MDN1: variants seen among roughly 807,000 people sequenced by gnomAD.
MDN1 encodes the protein midasin.
A neutral mutation model predicts 669.2 loss-of-function variants in MDN1; 266 were observed. The observed-to-expected ratio is 0.40, with a 90% CI of 0.36 to 0.44. MDN1 has a LOEUF of 0.44. Among genes scored for constraint, MDN1 ranks in the 20% least tolerant of loss-of-function variants. The probability of loss-of-function intolerance (pLI) is 1.00; values close to 1 mark genes in which losing one functional copy is unlikely to be tolerated. For missense variants in MDN1, 5,940 were observed against 6,754.0 expected (o/e 0.88, Z 4.22); for synonymous variants, 2,385 against 2,457.1 (o/e 0.97, Z 0.87).
At chr6:89,725,766 A>G (rs1450651969) in intron 37 of MDN1, among the ~76,000 whole-genome samples, 3 of 142,510 alleles carry the variant, frequency 2.1e-5, no homozygotes, top group Non-Finnish European at 4.5e-5. Context: ...TGGTAGAGCC[A>G]AGGTCTTGTT....
In MDN1 at chr6:89,661,450, G is replaced by A. The variant is rs572119471; in HGVS notation, c.14694C>T (p.Thr4898=). 3.3e-5 allele frequency: 53 copies of A among 1,613,000 alleles called. No individual in the cohort carries two copies. In the South Asian group the frequency reaches 5.4e-4, roughly 16 times the overall value. Residue 4898 remains threonine (T), a synonymous_variant, in exon 88 of 102, where the codon ACC becomes ACT. Transcript: ENST00000369393. ...DSEDKNGGED[T]DNEEGEEENP... ...ACGCACCTTCTCCTTCTTCATTGTC[G>A]GTGTCCTCACCACCATTCTTGTCTT... is the stretch of plus-strand genomic sequence containing the variant.
At chr6:89,774,245 CATGTA>C (rs1818245043) in intron 13 of MDN1, among the ~76,000 whole-genome samples, 1 of 152,144 alleles carries the variant, frequency 6.6e-6, no homozygotes, top group Non-Finnish European at 1.5e-5. Flanking sequence ...CAAAGTCAGA[CATGTA>C]ATAAGTATTT....
rs1277925571 is a variant in MDN1, at chr6:89,716,769, C to T, written c.6624G>A (p.Val2208=). The change falls in exon 44 of 102, where the codon GTG becomes GTA. Residue 2208 remains valine (V), a synonymous_variant. Transcript: ENST00000369393. ...GGCCACTGGCCAACTGCGTAAGCTTCACACCAAAGCTTCGGAACTCTTCAA... is the reference window on the plus strand; with the variant it reads ...GGCCACTGGCCAACTGCGTAAGCTTTACACCAAAGCTTCGGAACTCTTCAA... ...KLVEEFRSFG[V]KLTQLASGHS... 2 of 1,612,820 alleles carry T rather than the reference C, an allele frequency of 1.2e-6. No homozygotes were observed. Among genetic ancestry groups the T allele is most frequent in the South Asian group, 2.2e-5 (2 of 90,762 alleles).
rs1408242774 is a variant in MDN1 at position 89,656,953 on chromosome 6, G to GT, written c.15184-153dup. 6.3e-6 allele frequency: 4 copies of GT among 639,240 alleles called. No homozygotes were observed. In the African/African-American group the frequency reaches 7.4e-5, roughly 12 times the overall value. The allele number at this position is 639,240 out of a possible 1,614,324, so 39.6% of individuals were successfully genotyped here. A position where few individuals can be genotyped will look rare whatever the true frequency, so the allele number is the denominator to read the frequency against. ...CTACCTGCCTGCCCTGGAACTCACC[G>GT]TAACTAAGGCCTGGCCTACAGGCAG... On this transcript the variant is annotated intron_variant, in intron 90 of 101. Coordinates refer to ENST00000369393, the MANE Select transcript of MDN1 (RefSeq NM_014611.3).
intron 1 of MDN1, among the ~76,000 whole-genome samples, chr6:89,817,944 C>A (rs1768952954): frequency 6.6e-6 from 1 of 152,118 alleles, no homozygotes; most frequent in Non-Finnish European, 1.5e-5. Flanking sequence ...GTTGTGATAA[C>A]CATAAAGGTC....
chr6:89,697,295 G>T (rs1467389787), intron 59 of MDN1, among the ~76,000 whole-genome samples: 1 of 152,096 alleles, frequency 6.6e-6, no homozygotes, highest in Non-Finnish European at 1.5e-5. Context: ...ATATACTGAT[G>T]AAATAGATTT....
chr6:89,683,734 A>AATAT, intron 72 of MDN1, 97 bp downstream of exon 72: 5 of 879,902 alleles, frequency 5.7e-6, no homozygotes, highest in Non-Finnish European at 9.3e-6. Flanking sequence ...TAACACACTT[A>AATAT]ATATTAAGTT....
chr6:89,678,395 G>A lies in MDN1; in HGVS notation c.12412+204C>T, dbSNP rs576907812. 9.2e-5 allele frequency among the ~76,000 whole-genome samples: 14 copies of A among 152,136 alleles called. No homozygotes were observed. In the South Asian group the frequency reaches 2.7e-3, roughly 29 times the overall value. On this transcript the variant is annotated intron_variant, in intron 75 of 101. Transcript: ENST00000369393. Reference sequence around the variant, plus strand: ...GATTCCGAGAAACCTCATACAAAGCGGGAAATATTTGGGAATCATGGATGG... The same window carrying A: ...GATTCCGAGAAACCTCATACAAAGCAGGAAATATTTGGGAATCATGGATGG...
At position 89,749,211 on chromosome 6, in the gene MDN1, G is replaced by C. The variant is rs1346030946; in HGVS notation, c.3762+12C>G. The C allele has an allele frequency of 6.2e-7, 1 of 1,612,658 alleles. No homozygotes were observed. Among genetic ancestry groups the C allele is most frequent in the Non-Finnish European group, 8.5e-7 (1 of 1,179,252 alleles). On this transcript the variant is annotated intron_variant, in intron 26 of 101. Transcript: ENST00000369393. ...CAAGTATAATCAATACATTCCATTT[G>C]AAACTAAGTACCTGAAGATCCAGCA...
At chr6:89,661,348 A>G in intron 88 of MDN1, 83 bp downstream of exon 88, 2 of 1,481,852 alleles carry the variant, frequency 1.3e-6, no homozygotes, top group South Asian at 2.6e-5. Flanking sequence ...TGGCCATGAC[A>G]CTGAGCTAGC....
At position 89,758,344 on chromosome 6, in the gene MDN1, C is replaced by T. The variant is rs777489472; in HGVS notation, c.2613G>A (p.Leu871=). Residue 871 remains leucine (L), a synonymous_variant, in exon 19 of 102, where the codon CTG becomes CTA. Transcript: ENST00000369393. The part of the protein sequence containing the change: ...VLLDRGDTEP[L]VRHPDFRLFA... Reference sequence around the variant, plus strand: ...ATAAACGGAAGTCAGGATGCCGAACCAGTGGCTCTGTTAAGAGAAAATTAC... The same window carrying T: ...ATAAACGGAAGTCAGGATGCCGAACTAGTGGCTCTGTTAAGAGAAAATTAC... 6.2e-7 allele frequency: 1 copy of T among 1,607,004 alleles called. No homozygotes were observed. Among genetic ancestry groups the T allele is most frequent in the East Asian group, 2.2e-5 (1 of 44,832 alleles).
chr6:89,647,968 C>G, intron 99 of MDN1, 64 bp downstream of exon 99: 1 of 1,242,196 alleles, frequency 8.1e-7, no homozygotes, highest in South Asian at 1.2e-5. Context: ...TAAAAATGTT[C>G]TCCCTCCAAC....
intron 51 of MDN1, among the ~76,000 whole-genome samples, 188 bp from the exon 52 acceptor site, chr6:89,707,664 G>T (rs1813607776): frequency 6.6e-6 from 1 of 152,174 alleles, no homozygotes; most frequent in African/African-American, 2.4e-5. Flanking sequence ...AGGAAAGATC[G>T]ATGGATGGAG....
chr6:89,688,241 A>G (rs1195567537), intron 66 of MDN1, 68 bp from the exon 67 acceptor site: 1 of 1,415,250 alleles, frequency 7.1e-7, no homozygotes, highest in African/African-American at 1.4e-5. Context: ...GGTACTGAAG[A>G]GAGTCCTGAC....
At chr6:89,790,982 C>G (rs1410641308) in intron 5 of MDN1, among the ~76,000 whole-genome samples, 7 of 152,178 alleles carry the variant, frequency 4.6e-5, no homozygotes, top group Non-Finnish European at 7.3e-5. Context: ...AAGATCGTGC[C>G]ACTGCACTCC....
intron 9 of MDN1, among the ~76,000 whole-genome samples, chr6:89,783,046 G>C (rs966880032): frequency 6.6e-6 from 1 of 152,046 alleles, no homozygotes; most frequent in African/African-American, 2.4e-5. Flanking sequence ...ATGTGTGTTT[G>C]AACAATATGA....
At chr6:89,689,660 G>A (rs1445562124) in intron 65 of MDN1, among the ~76,000 whole-genome samples, 1 of 151,956 alleles carries the variant, frequency 6.6e-6, no homozygotes, top group Non-Finnish European at 1.5e-5. Flanking sequence ...CTTTTTCTTG[G>A]CCCATTTGTA....
chr6:89,686,865 G>C, intron 69 of MDN1, 37 bp downstream of exon 69: 1 of 1,610,362 alleles, frequency 6.2e-7, no homozygotes, highest in Non-Finnish European at 8.5e-7. Context: ...TAGCCGGGAA[G>C]CTCTAAGTGG....
chr6:89,695,970 C>G lies in MDN1; in HGVS notation c.9406G>C (p.Gly3136Arg). ...EFRRTDSQLQ[G>R]QVLFRHLAGL... is the part of the protein sequence containing the mutation. ...GCCAGGTGCCGGAACAGCACCTGCC[C>G]CTGGAGTTGGGAATCCGTGCGTCTG... Residue 3136 changes from glycine (G) to arginine (R), a missense_variant, in exon 61 of 102, where the codon GGG becomes CGG. By Grantham distance (125) the Gly-to-Arg change is moderately radical. Transcript: ENST00000369393. The surrounding 1 kb of genome is among the most constrained non-coding windows in gnomAD (Gnocchi z 4.1). 6.2e-7 allele frequency: 1 copy of G among 1,608,644 alleles called. No individual in the cohort carries two copies. Among genetic ancestry groups the G allele is most frequent in the African/African-American group, 1.3e-5 (1 of 74,942 alleles).
Sources: allele counts gnomAD v4.1 joint callset (sites outside exome capture counted in the v4.1 genomes callset), GRCh38; gene constraint gnomAD v4.1.1; non-coding constraint Gnocchi (gnomAD v3.1); transcripts MANE v1.5; gene names NCBI Gene and HGNC (gene_info 2026-07-23, HGNC 2026-07-21).